The following TMC1 variants were observed in gnomAD, a reference collection of about 807,000 sequenced individuals.
TMC1 encodes the protein transmembrane channel like 1.
Under a neutral mutation model 105.8 loss-of-function variants are expected in TMC1, and 84 were observed. The ratio of observed to expected loss-of-function variants is 0.79; its 90% CI spans 0.67 to 0.95. The LOEUF is 0.95. TMC1 is among the 40% of genes least tolerant of loss of function. The pLI, the probability that TMC1 is intolerant of heterozygous loss-of-function variation, is 0.00. For synonymous variants in TMC1, 315 were observed against 311.5 expected (o/e 1.01, Z -0.12); for missense variants, 817 against 914.1 (o/e 0.89, Z 1.37).
At chr9:72,794,915 C>A (rs1293415831) in intron 17 of TMC1, among the ~76,000 whole-genome samples, 1 of 152,096 alleles carries the variant, frequency 6.6e-6, no homozygotes, top group African/African-American at 2.4e-5. Flanking sequence ...GACAAAGTAG[C>A]TGTTATAAAA....
chr9:72,673,326 A>T lies in TMC1; in HGVS notation c.17-15383A>T, dbSNP rs145752351. On this transcript the variant is annotated intron_variant, in intron 5 of 23. Coordinates refer to ENST00000297784, the MANE Select transcript of TMC1 (RefSeq NM_138691.3). Reference sequence around the variant, plus strand: ...CAAAACAAATAAATCCAAAATAAGCAGAAGAAAGTAAGTATTAAAGACCAG... The same window carrying T: ...CAAAACAAATAAATCCAAAATAAGCTGAAGAAAGTAAGTATTAAAGACCAG... 4.1e-3 allele frequency among the ~76,000 whole-genome samples: 626 copies of T among 152,278 alleles called. 3 individuals carry two copies. Among genetic ancestry groups the T allele is most frequent in the African/African-American group, 0.014 (595 of 41,574 alleles).
At chr9:72,622,271 C>G (rs1377256214) in intron 3 of TMC1, among the ~76,000 whole-genome samples, 1 of 152,212 alleles carries the variant, frequency 6.6e-6, no homozygotes, top group African/African-American at 2.4e-5. Context: ...AGGAAGGTCA[C>G]TCCTGTACAC....
rs746611422 is a variant in TMC1 at position 72,792,246 on chromosome 9, T to G, written c.1460T>G (p.Ile487Ser). 6.2e-7 allele frequency: 1 copy of G among 1,614,154 alleles called. No individual in the cohort carries two copies. The highest frequency in any genetic ancestry group is 1.1e-5 in the South Asian group (1 of 91,078). ...ANITLWEANM[I>S]KAYNASFSEN... ...ATTACCCTTTGGGAAGCCAATATGA[T>G]CAAGGCCTACAATGCATCATTCTCT... The change falls in exon 17 of 24, where the codon ATC becomes AGC. Residue 487 changes from isoleucine to serine, a missense_variant. Transcript: ENST00000297784.
intron 2 of TMC1, among the ~76,000 whole-genome samples, chr9:72,598,800 G>T (rs1284626800): frequency 6.6e-6 from 1 of 152,198 alleles, no homozygotes; most frequent in African/African-American, 2.4e-5. Flanking sequence ...TCTCATGGGA[G>T]GGGGAGGACT....
At chr9:72,788,944 C>T (rs944106977) in intron 14 of TMC1, among the ~76,000 whole-genome samples, 179 bp from the exon 15 acceptor site, 3 of 152,026 alleles carry the variant, frequency 2.0e-5, no homozygotes, top group Non-Finnish European at 4.4e-5. Flanking sequence ...TTCTGTCTTA[C>T]TTGCCATCGT....
In TMC1 at chr9:72,805,496, T is replaced by A; in HGVS notation, c.1681T>A (p.Leu561Met). The A allele has an allele frequency of 1.2e-6, 2 of 1,613,730 alleles. No individual in the cohort carries two copies. The highest frequency in any genetic ancestry group is 1.7e-5 in the Admixed American group (1 of 60,006). The part of the protein sequence containing the change: ...RFCNYCWCWD[L>M]EYGYPSYTEF... ...TTGCAATTATTGCTGGTGCTGGGACTTGGAGTATGGATATGTAAGTATGAT... is the reference window on the plus strand; with the variant it reads ...TTGCAATTATTGCTGGTGCTGGGACATGGAGTATGGATATGTAAGTATGAT... Residue 561 changes from leucine (L) to methionine (M), a missense_variant, in exon 18 of 24, where the codon TTG becomes ATG. Physicochemically the swap from Leu to Met is conservative, Grantham distance 15. Transcript: ENST00000297784.
At chr9:72,532,740 G>A (rs965454471) in intron 1 of TMC1, among the ~76,000 whole-genome samples, 2 of 152,146 alleles carry the variant, frequency 1.3e-5, no homozygotes, top group Non-Finnish European at 2.9e-5. Context: ...TTCAAAAAGA[G>A]TGCAATAGTG....
intron 4 of TMC1, among the ~76,000 whole-genome samples, chr9:72,642,099 G>A (rs902288247): frequency 6.6e-6 from 1 of 152,144 alleles, no homozygotes; most frequent in Non-Finnish European, 1.5e-5. Context: ...TTACAGGAGT[G>A]AGCCACTGTG....
At chr9:72,565,282 A>C (rs1359721248) in intron 1 of TMC1, among the ~76,000 whole-genome samples, 1 of 152,224 alleles carries the variant, frequency 6.6e-6, no homozygotes, top group Non-Finnish European at 1.5e-5. Flanking sequence ...AACATTGACT[A>C]AAAATTTAAT....
At chr9:72,710,088 A>G (rs1389645686) in intron 8 of TMC1, among the ~76,000 whole-genome samples, 2 of 152,066 alleles carry the variant, frequency 1.3e-5, no homozygotes, top group African/African-American at 2.4e-5. Context: ...TTTCATTTCC[A>G]TCTTGATTTC....
intron 18 of TMC1, among the ~76,000 whole-genome samples, chr9:72,806,761 A>G (rs1032583686): frequency 4.3e-5 from 6 of 141,088 alleles, no homozygotes; most frequent in African/African-American, 1.7e-4. Flanking sequence ...CCGGGCGGAG[A>G]CGCTCCTCAC....
At chr9:72,747,891 G>T (rs1356321832) in intron 10 of TMC1, among the ~76,000 whole-genome samples, 1 of 152,122 alleles carries the variant, frequency 6.6e-6, no homozygotes, top group Non-Finnish European at 1.5e-5. Flanking sequence ...ACCGTGCCTG[G>T]CTGAGACTCT....
intron 11 of TMC1, among the ~76,000 whole-genome samples, chr9:72,752,550 A>G (rs952100293): frequency 6.6e-6 from 1 of 152,048 alleles, no homozygotes; most frequent in Non-Finnish European, 1.5e-5. Context: ...GAGGGTCCAA[A>G]TCAAAGAAGA....
intron 6 of TMC1, among the ~76,000 whole-genome samples, chr9:72,691,345 T>C (rs141849946): frequency 3.3e-5 from 5 of 152,260 alleles, no homozygotes; most frequent in African/African-American, 9.6e-5. Flanking sequence ...TCTTCTGTTG[T>C]TTGGGGTATG....
intron 8 of TMC1, among the ~76,000 whole-genome samples, chr9:72,711,059 T>C (rs533462160): frequency 1.3e-5 from 2 of 152,316 alleles, no homozygotes; most frequent in African/African-American, 4.8e-5. Context: ...AGAATGATGG[T>C]TTTCAGCTTC....
rs1356457787 is a variant in TMC1, at chr9:72,766,477, G to A, written c.742-5936G>A. On this transcript the variant is annotated intron_variant, in intron 12 of 23. Transcript: ENST00000297784. The stretch of plus-strand genomic sequence containing the variant: ...GCACATAGTAGATTCTTCTTTAAAT[G>A]CCTCTTCAGGATACTTAGCTCATGA... 2.0e-5 allele frequency among the ~76,000 whole-genome samples: 3 copies of A among 151,604 alleles called. No individual in the cohort carries two copies. In the East Asian group the frequency reaches 5.8e-4, roughly 29 times the overall value.
chr9:72,559,644 C>T (rs574890582), intron 1 of TMC1, among the ~76,000 whole-genome samples: 1 of 152,156 alleles, frequency 6.6e-6, no homozygotes, highest in South Asian at 2.1e-4. Flanking sequence ...AAGGAACAAA[C>T]TTATCGGATG....
rs1408054546 is a variant in TMC1 at position 72,789,260 on chromosome 9, A to C, written c.1167A>C (p.Arg389=). Residue 389 remains arginine, a synonymous_variant, in exon 15 of 24, where the codon CGA becomes CGC. Transcript: ENST00000297784. The part of the protein sequence containing the change: ...SGYLIFWAVK[R]SQEFAQQDPD... ...ACCTCATCTTTTGGGCTGTGAAGCG[A>C]TCCCAGGAATTTGCACAGCAAGATC... 1 of 1,614,088 alleles carries C rather than the reference A, an allele frequency of 6.2e-7. No individual in the cohort carries two copies. Among genetic ancestry groups the C allele is most frequent in the Non-Finnish European group, 8.5e-7 (1 of 1,179,942 alleles).
At position 72,826,888 on chromosome 9, in the gene TMC1, G is replaced by C. The variant is rs540988111; in HGVS notation, c.2023G>C (p.Glu675Gln). The change falls in exon 21 of 24, where the codon GAA becomes CAA. Residue 675 changes from glutamate to glutamine, a missense_variant. Physicochemically the swap from Glu to Gln is conservative, Grantham distance 29 (BLOSUM62 2). Transcript: ENST00000297784. Reference protein sequence around the residue: ...GPFSGKNRMFEVIGETLEHDF... With the variant: ...GPFSGKNRMFQVIGETLEHDF... ...CCCCAGTGGCAAAAATAGAATGTTT[G>C]AAGTCATTGGAGAGACCCTGGAGCA... 62 of 1,613,966 alleles carry C rather than the reference G, an allele frequency of 3.8e-5. 1 individual carries two copies. In the South Asian group the frequency reaches 6.5e-4, roughly 17 times the overall value.
Sources: gnomAD v4.1 joint callset for allele counts (sites outside exome capture counted in the v4.1 genomes callset) on GRCh38, gnomAD v4.1.1 for gene constraint, MANE v1.5 for transcripts, NCBI Gene and HGNC (gene_info 2026-07-23, HGNC 2026-07-21) for gene names.